Variants in DTX1 observed in about 807,000 individuals in gnomAD.
DTX1 encodes deltex E3 ubiquitin ligase 1, also known as E3 ubiquitin-protein ligase DTX1.
DTX1 carries 26 observed loss-of-function variants against 57.8 expected under a neutral mutation model. The observed-to-expected ratio is 0.45, with a 90% CI of 0.33 to 0.62. DTX1 has a LOEUF of 0.62. Ranked by LOEUF, DTX1 falls within the 20% of genes least tolerant of loss-of-function variation. DTX1 has a pLI of 0.02. For missense variants in DTX1, 704 were observed against 895.3 expected, an observed-to-expected ratio of 0.79 and a Z score of 2.73; for synonymous variants, 398 against 394.1, an observed-to-expected ratio of 1.01 and a Z score of -0.12.
At chr12:113,080,806 T>A (rs1359743761) in intron 3 of DTX1, among the ~76,000 whole-genome samples, 1 of 151,900 alleles carries the variant, frequency 6.6e-6, no homozygotes, top group Non-Finnish European at 1.5e-5. Flanking sequence ...CAAGACACCA[T>A]CTCTACAACA....
intron 2 of DTX1, among the ~76,000 whole-genome samples, chr12:113,064,547 A>C (rs2044690711): frequency 6.6e-6 from 1 of 152,204 alleles, no homozygotes; most frequent in Admixed American, 6.5e-5. Context: ...TCATGGAAAT[A>C]GCCTTTGAAC....
Position 113,093,238 on chromosome 12 carries a change from A to G in DTX1, c.1003+15A>G. On this transcript the variant is annotated intron_variant, in intron 4 of 9. Coordinates refer to ENST00000548759, the MANE Select transcript of DTX1 (RefSeq NM_004416.3). This position sits in a 1 kb window ranked among gnomAD's most constrained non-coding sequence, Gnocchi z 4.2. ...GGCCCTGGCAGGTGAGGTCTGGCCC[A>G]GGGCGGGAAAGAAGGGCGGGGCCCA... is the stretch of plus-strand genomic sequence containing the variant. 1 of 1,583,668 alleles carries G rather than the reference A, an allele frequency of 6.3e-7. No homozygotes were observed. The highest frequency in any genetic ancestry group is 2.3e-5 in the East Asian group (1 of 43,210).
intron 6 of DTX1, 105 bp from the exon 7 acceptor site, chr12:113,094,682 CAG>C (rs1020823755): frequency 4.5e-5 from 64 of 1,420,526 alleles, no homozygotes; most frequent in Non-Finnish European, 6.0e-5. Flanking sequence ...AAATGGGTAC[CAG>C]AGAGAGTGTG....
Position 113,093,953 on chromosome 12 carries a change from C to T in DTX1, c.1166-85C>T. 1 of 1,533,380 alleles carries T rather than the reference C, an allele frequency of 6.5e-7. No individual in the cohort carries two copies. Among genetic ancestry groups the T allele is most frequent in the Middle Eastern group, 1.7e-4 (1 of 5,716 alleles). 95.0% of individuals were successfully genotyped at this position (1,533,380 alleles called of 1,614,324 possible). ...CAACCCTTGCCAGCCTGACCCCTGC[C>T]CTCTGACCCCTGACCCAGTTCTGAG... On this transcript the variant is annotated intron_variant, in intron 5 of 9. Transcript: ENST00000548759. The surrounding 1 kb of genome is among the most constrained non-coding windows in gnomAD (Gnocchi z 4.2).
At position 113,074,893 on chromosome 12, in the gene DTX1, G is replaced by A. The variant is rs139031050; in HGVS notation, c.260-2531G>A. 2.8e-3 allele frequency among the ~76,000 whole-genome samples: 429 copies of A among 152,294 alleles called. 2 individuals carry two copies. The highest frequency in any genetic ancestry group is 0.017 in the East Asian group (86 of 5,180). On this transcript the variant is annotated intron_variant, in intron 2 of 9. Transcript: ENST00000548759. Reference sequence around the variant, plus strand: ...TTTGGGGGTCCAAGGAAGAGCATCCGGAAGCGCAGGAGCTGCCAGGAATTG... The same window carrying A: ...TTTGGGGGTCCAAGGAAGAGCATCCAGAAGCGCAGGAGCTGCCAGGAATTG...
At chr12:113,076,949 T>C (rs912812149) in intron 2 of DTX1, among the ~76,000 whole-genome samples, 1 of 152,020 alleles carries the variant, frequency 6.6e-6, no homozygotes, top group Non-Finnish European at 1.5e-5. Context: ...CAGGCCCCCT[T>C]TGCCCTCCCC....
rs146418824 is a variant in DTX1, at chr12:113,078,120, A to G, written c.941+15A>G. ...ATCCCGCCGGGGTAAGACGGGGCCCAGGGGGAGGGGGCCTCTGCGTCGTCC... is the reference window on the plus strand; with the variant it reads ...ATCCCGCCGGGGTAAGACGGGGCCCGGGGGGAGGGGGCCTCTGCGTCGTCC... On this transcript the variant is annotated intron_variant, in intron 3 of 9. Transcript: ENST00000548759. 7 of 825,772 alleles carry G rather than the reference A, an allele frequency of 8.5e-6. No homozygotes were observed. The South Asian group carries it at 8.7e-5, about 10-fold the overall frequency. 51.2% of individuals were successfully genotyped at this position (825,772 alleles called of 1,614,324 possible).
rs575789552 is a variant in DTX1 at position 113,057,867 on chromosome 12, C to T, written c.-326C>T. 1.4e-3 allele frequency: 453 copies of T among 328,336 alleles called. 9 individuals are homozygous for T. In the South Asian group the frequency reaches 0.024, roughly 17 times the overall value. 20.3% of individuals were successfully genotyped at this position (328,336 alleles called of 1,614,324 possible). A position where few individuals can be genotyped will look rare whatever the true frequency, so the allele number is the denominator to read the frequency against. Reference sequence around the variant, plus strand: ...GAAGAGGCTGGACCTCGAACAGGGGCGGCTGCCTCACTCCCTACCTGAGCC... The same window carrying T: ...GAAGAGGCTGGACCTCGAACAGGGGTGGCTGCCTCACTCCCTACCTGAGCC... On this transcript the variant is annotated 5_prime_UTR_variant, in exon 2 of 10. Coordinates refer to ENST00000548759, the MANE Select transcript of DTX1 (RefSeq NM_004416.3).
At chr12:113,072,705 T>C (rs991834674) in intron 2 of DTX1, among the ~76,000 whole-genome samples, 5 of 141,894 alleles carry the variant, frequency 3.5e-5, no homozygotes, top group South Asian at 2.3e-4. Flanking sequence ...TCTTTTTTTT[T>C]TTTTTTTTTT....
Position 113,077,278 on chromosome 12 carries a change from C to A in DTX1, c.260-146C>A. 1 of 893,590 alleles carries A rather than the reference C, an allele frequency of 1.1e-6. No individual in the cohort carries two copies. Among genetic ancestry groups the A allele is most frequent in the Non-Finnish European group, 1.7e-6 (1 of 604,078 alleles). The allele number at this position is 893,590 out of a possible 1,614,324, so 55.4% of individuals were successfully genotyped here. ...TCCTTCCTCTCCGTGCATGTGTTGA[C>A]CCTCTCCCCAAGTCTGGGTGGACCC... is the stretch of plus-strand genomic sequence containing the variant. On this transcript the variant is annotated intron_variant, in intron 2 of 9. Transcript: ENST00000548759. This position sits in a 1 kb window ranked among gnomAD's most constrained non-coding sequence, Gnocchi z 7.8.
intron 3 of DTX1, among the ~76,000 whole-genome samples, chr12:113,091,975 G>A (rs950914124): frequency 1.6e-4 from 25 of 152,220 alleles, no homozygotes; most frequent in African/African-American, 4.6e-4. Flanking sequence ...CTGAAGTCAG[G>A]AGGACTCAGG....
chr12:113,057,964 C>G lies in DTX1; in HGVS notation c.-229C>G, dbSNP rs2044639997. Reference sequence around the variant, plus strand: ...GAGACACTTGCTTTCCAGGGCAGCACCCTTTATCGGAGAAGGCTCTACAGG... The same window carrying G: ...GAGACACTTGCTTTCCAGGGCAGCAGCCTTTATCGGAGAAGGCTCTACAGG... On this transcript the variant is annotated 5_prime_UTR_variant, in exon 2 of 10. Transcript: ENST00000548759. The G allele has an allele frequency of 1.5e-6, 1 of 648,258 alleles. No individual in the cohort carries two copies. The highest frequency in any genetic ancestry group is 2.8e-5 in the East Asian group (1 of 35,298). The allele number at this position is 648,258 out of a possible 1,614,324, so 40.2% of individuals were successfully genotyped here. A position where few individuals can be genotyped will look rare whatever the true frequency, so the allele number is the denominator to read the frequency against.
chr12:113,069,104 C>T (rs773406571), intron 2 of DTX1, among the ~76,000 whole-genome samples: 8 of 152,192 alleles, frequency 5.3e-5, no homozygotes, highest in African/African-American at 1.7e-4. Flanking sequence ...TTTAGAACAG[C>T]GCCTGGCACA....
rs1950262225 is a variant in DTX1 at position 113,093,518 on chromosome 12, A to C, written c.1004-21A>C. The stretch of plus-strand genomic sequence containing the variant: ...GGCGGGGATGGCGCCCCGCCCTGTG[A>C]CTGCGCCCCCTAACCCCCAGGGATG... On this transcript the variant is annotated intron_variant, in intron 4 of 9. Transcript: ENST00000548759. This position sits in a 1 kb window ranked among gnomAD's most constrained non-coding sequence, Gnocchi z 4.2. 1 of 1,400,910 alleles carries C rather than the reference A, an allele frequency of 7.1e-7. No individual in the cohort carries two copies. The highest frequency in any genetic ancestry group is 1.5e-5 in the African/African-American group (1 of 67,968). The allele number at this position is 1,400,910 out of a possible 1,614,324, so 86.8% of individuals were successfully genotyped here.
At chr12:113,082,492 G>A (rs186432196) in intron 3 of DTX1, among the ~76,000 whole-genome samples, 259 of 152,310 alleles carry the variant, frequency 1.7e-3, no homozygotes, top group African/African-American at 5.7e-3. Context: ...AGGGATGGAG[G>A]TGGGGGGTCT....
chr12:113,071,695 G>A (rs1375978427), intron 2 of DTX1, among the ~76,000 whole-genome samples: 4 of 152,246 alleles, frequency 2.6e-5, no homozygotes, highest in East Asian at 3.8e-4. Flanking sequence ...TCTTGAGATC[G>A]AAGTCCAGGC....
chr12:113,093,603 C>G lies in DTX1; in HGVS notation c.1068C>G (p.Pro356=). ...LPVCLTRAPK[P]ILHPPPVSKS... is the part of the protein sequence containing the mutation. ...TGTGCCTGACGCGGGCCCCCAAGCC[C>G]ATCCTGCACCCGCCGCCCGTGAGCA... Residue 356 remains proline (P), a synonymous_variant, in exon 5 of 10, where the codon CCC becomes CCG. Transcript: ENST00000548759. This position sits in a 1 kb window ranked among gnomAD's most constrained non-coding sequence, Gnocchi z 4.2. 6.2e-7 allele frequency: 1 copy of G among 1,612,636 alleles called. No individual in the cohort carries two copies.
intron 3 of DTX1, among the ~76,000 whole-genome samples, chr12:113,089,436 C>G (rs1260213511): frequency 6.6e-6 from 1 of 152,074 alleles, no homozygotes; most frequent in Non-Finnish European, 1.5e-5. Flanking sequence ...CGGGGAGGGC[C>G]TGAGGGACTC....
intron 6 of DTX1, 22 bp downstream of exon 6, chr12:113,094,121 T>TGGGGGGGGGG: frequency 7.6e-4 from 337 of 442,392 alleles, no homozygotes; most frequent in Non-Finnish European, 1.3e-3. Flanking sequence ...ATGGGGGGGC[T>TGGGGGGGGGG]GGGGGAGGGC....
Sources: gnomAD v4.1 joint callset for allele counts (sites outside exome capture counted in the v4.1 genomes callset) on GRCh38, gnomAD v4.1.1 for gene constraint, Gnocchi (gnomAD v3.1) non-coding constraint, MANE v1.5 for transcripts, NCBI Gene and HGNC (gene_info 2026-07-23, HGNC 2026-07-21) for gene names.